Variants in CLVS1 observed in about 807,000 individuals in gnomAD.
CLVS1 encodes the protein clavesin 1.
A neutral mutation model predicts 33.1 loss-of-function variants in CLVS1; 10 were observed. The observed-to-expected ratio is 0.30, with a 90% CI of 0.19 to 0.51. CLVS1 has a LOEUF of 0.51. Ranked by LOEUF, CLVS1 falls within the 20% of genes least tolerant of loss-of-function variation. CLVS1 has a pLI of 0.97. For missense variants in CLVS1, 343 were observed against 433.4 expected (o/e 0.79, Z 1.85); for synonymous variants, 163 against 166.1 (o/e 0.98, Z 0.14).
chr8:61,388,326 T>A (rs1482729959), intron 3 of CLVS1, among the ~76,000 whole-genome samples: 3 of 150,108 alleles, frequency 2.0e-5, no homozygotes, highest in African/African-American at 7.3e-5. Context: ...TCATTTTTTT[T>A]TGGTTGATTC....
intron 2 of CLVS1, among the ~76,000 whole-genome samples, chr8:61,339,434 C>T (rs899444654): frequency 2.0e-5 from 3 of 152,132 alleles, no homozygotes; most frequent in African/African-American, 7.2e-5. Context: ...AGCTTGACTA[C>T]CTATGGGCAT....
At position 61,261,998 on chromosome 8, in the gene CLVS1, G is replaced by GTGTA. The variant is rs1554551273; in HGVS notation, c.-151-37676_-151-37675insATGT. ...TGCGTGTGTGTGTGTGTGTGTGTGTGTGTGTGTGTGTGTGTGTGTGTGTGT... is the reference window on the plus strand; with the variant it reads ...TGCGTGTGTGTGTGTGTGTGTGTGTGTGTATGTGTGTGTGTGTGTGTGTGTGTGT... On this transcript the variant is annotated intron_variant, in intron 2 of 2. Coordinates refer to the CLVS1 transcript ENST00000522621. 4.0e-3 allele frequency among the ~76,000 whole-genome samples: 437 copies of GTGTA among 109,030 alleles called. 2 individuals carry two copies. Among genetic ancestry groups the GTGTA allele is most frequent in the East Asian group, 6.4e-3 (8 of 1,254 alleles). 71.5% of individuals were successfully genotyped at this position (109,030 alleles called of 152,430 possible). A position where few individuals can be genotyped will look rare whatever the true frequency, so the allele number is the denominator to read the frequency against.
intron 3 of CLVS1, among the ~76,000 whole-genome samples, chr8:61,387,127 C>A (rs1253550855): frequency 6.6e-6 from 1 of 152,150 alleles, no homozygotes; most frequent in Non-Finnish European, 1.5e-5. Flanking sequence ...GTGGCTCATG[C>A]CTATAATCCT....
intron 2 of CLVS1, among the ~76,000 whole-genome samples, chr8:61,216,670 G>T (rs1413969877): frequency 6.6e-6 from 1 of 152,196 alleles, no homozygotes; most frequent in Non-Finnish European, 1.5e-5. Flanking sequence ...GCTATAACAA[G>T]GATTTGAACC....
chr8:61,284,396 A>T (rs1315509344), upstream of CLVS1, among the ~76,000 whole-genome samples: 1 of 152,234 alleles, frequency 6.6e-6, no homozygotes, highest in Non-Finnish European at 1.5e-5. Flanking sequence ...CAAAGGAAAA[A>T]GTAAATGTTT....
chr8:61,378,034 C>T (rs2129601594), intron 3 of CLVS1: 1 of 152,318 alleles, frequency 6.6e-6, no homozygotes, highest in South Asian at 2.1e-4. Context: ...CTCCAACCTC[C>T]TCTCACCTAA....
chr8:61,499,406 T>TCAC, intron 5 of CLVS1, 49 bp from the exon 6 acceptor site: 1 of 1,365,648 alleles, frequency 7.3e-7, no homozygotes, highest in Non-Finnish European at 1.0e-6. Flanking sequence ...TCCAAAATTG[T>TCAC]CACCATGAAT....
At chr8:60,979,955 C>T in the CLVS1 span, among the ~76,000 whole-genome samples, 1 of 152,204 alleles carries the variant, frequency 6.6e-6, no homozygotes, top group African/African-American at 2.4e-5. Flanking sequence ...TCCTCTTGTT[C>T]TATTTAATTG....
chr8:61,262,321 G>T (rs7844667), intron 2 of CLVS1, among the ~76,000 whole-genome samples: 41,165 of 152,022 alleles, frequency 0.27, 8,041 homozygotes, highest in East Asian at 0.85. Context: ...TGGCTGTCTT[G>T]TATTTTTAAA....
intron 2 of CLVS1, among the ~76,000 whole-genome samples, chr8:61,240,879 T>C (rs1808683508): frequency 6.7e-6 from 1 of 148,360 alleles, no homozygotes; most frequent in South Asian, 2.2e-4. Context: ...CTAAAATGAA[T>C]GATGTTTGCT....
chr8:61,301,680 G>T (rs1466618976), intron 2 of CLVS1, among the ~76,000 whole-genome samples: 1 of 152,170 alleles, frequency 6.6e-6, no homozygotes, highest in African/African-American at 2.4e-5. Context: ...AAGTTAAGGA[G>T]CTCACTCATG....
chr8:61,486,180 A>C lies in CLVS1; in HGVS notation c.978-13275A>C, dbSNP rs73685061. Among the ~76,000 whole-genome samples, 1,210 of 152,262 alleles carry C rather than the reference A, an allele frequency of 7.9e-3. 11 individuals carry two copies. Among genetic ancestry groups the C allele is most frequent in the African/African-American group, 0.028 (1,159 of 41,560 alleles). ...TGGGGTCAGAGGGAATGGGAACAAGAACACAGACAAGGAGCTCAGCTTTGA... is the reference window on the plus strand; with the variant it reads ...TGGGGTCAGAGGGAATGGGAACAAGCACACAGACAAGGAGCTCAGCTTTGA... On this transcript the variant is annotated intron_variant, in intron 5 of 5. Transcript: ENST00000325897.
chr8:61,001,927 G>A, the CLVS1 span, among the ~76,000 whole-genome samples: 1 of 152,078 alleles, frequency 6.6e-6, no homozygotes, highest in Non-Finnish European at 1.5e-5. Flanking sequence ...TCTGTCGACT[G>A]TAATTTCTCC....
intron 2 of CLVS1, among the ~76,000 whole-genome samples, chr8:61,273,484 G>A (rs965214193): frequency 1.4e-4 from 22 of 152,356 alleles, no homozygotes; most frequent in Middle Eastern, 3.4e-3. Flanking sequence ...GCCTACAGAG[G>A]CAGGCAGGCC....
At chr8:61,175,878 A>G (rs1240333333) in intron 2 of CLVS1, among the ~76,000 whole-genome samples, 1 of 152,168 alleles carries the variant, frequency 6.6e-6, no homozygotes, top group Non-Finnish European at 1.5e-5. Context: ...CTGATACTGT[A>G]GGAGAGAGTG....
At chr8:61,001,515 T>A in the CLVS1 span, among the ~76,000 whole-genome samples, 1 of 152,232 alleles carries the variant, frequency 6.6e-6, no homozygotes, top group Admixed American at 6.5e-5. Context: ...CAAACCAAGT[T>A]GTCCAAACAC....
chr8:61,481,481 A>G (rs1413533489), intron 5 of CLVS1, among the ~76,000 whole-genome samples: 10 of 152,154 alleles, frequency 6.6e-5, no homozygotes, highest in Non-Finnish European at 1.5e-4. Flanking sequence ...TACCTGGAAA[A>G]TCTGGAAACT....
intron 2 of CLVS1, among the ~76,000 whole-genome samples, chr8:61,268,555 T>A (rs1260093250): frequency 6.9e-6 from 1 of 144,148 alleles, no homozygotes; most frequent in African/African-American, 2.6e-5. Context: ...CTGGGTCAAA[T>A]GGTATTTCCA....
rs565640640 is a variant in CLVS1, at chr8:61,113,805, A to AT, written c.-242-17958dup. Reference sequence around the variant, plus strand: ...GTGCCACCATGCCCAGCTAATTAATATTTTTTTGTAGAGACGGGGTGCCAC... The same window carrying AT: ...GTGCCACCATGCCCAGCTAATTAATATTTTTTTTGTAGAGACGGGGTGCCAC... On this transcript the variant is annotated intron_variant, in intron 1 of 2. Transcript: ENST00000522621. Among the ~76,000 whole-genome samples, 95 of 152,126 alleles carry AT rather than the reference A, an allele frequency of 6.2e-4. 1 individual carries two copies. Among genetic ancestry groups the AT allele is most frequent in the African/African-American group, 2.2e-3 (93 of 41,478 alleles).
Sources: allele counts gnomAD v4.1 joint callset (sites outside exome capture counted in the v4.1 genomes callset), GRCh38; gene constraint gnomAD v4.1.1; transcripts MANE v1.5; gene names NCBI Gene and HGNC (gene_info 2026-07-23, HGNC 2026-07-21).